RIC1: variants seen among roughly 807,000 people sequenced by gnomAD.
RIC1 encodes RIC1 partner of RAB6A GEF complex, also known as guanine nucleotide exchange factor subunit RIC1.
In RIC1, 88 loss-of-function variants were observed where a neutral mutation model predicts 169.0. The observed-to-expected ratio is 0.52, with a 90% CI of 0.44 to 0.62. The LOEUF (loss-of-function observed/expected upper bound fraction) is 0.62. RIC1 is among the 20% of genes least tolerant of loss of function. The pLI, the probability that RIC1 is intolerant of heterozygous loss-of-function variation, is 0.00. For synonymous variants in RIC1, 790 were observed against 601.5 expected (o/e 1.31, Z -4.59); for missense variants, 1,877 against 1,725.5 (o/e 1.09, Z -1.56).
chr9:5,667,661 G>A (rs958625691), intron 2 of RIC1, among the ~76,000 whole-genome samples: 3 of 151,834 alleles, frequency 2.0e-5, no homozygotes, highest in African/African-American at 2.4e-5. Flanking sequence ...GCACCACCAC[G>A]CCTGGCTGAT....
intron 6 of RIC1, among the ~76,000 whole-genome samples, chr9:5,729,355 G>A (rs1402151096): frequency 6.6e-6 from 1 of 152,128 alleles, no homozygotes; most frequent in Non-Finnish European, 1.5e-5. Flanking sequence ...GCTTCTTTAA[G>A]TAGGTTTTGA....
chr9:5,670,568 C>G (rs758054141), intron 2 of RIC1, among the ~76,000 whole-genome samples: 39 of 152,256 alleles, frequency 2.6e-4, no homozygotes, highest in Non-Finnish European at 4.9e-4. Flanking sequence ...ATAAAATTGC[C>G]TTAATACTCC....
chr9:5,727,439 T>A (rs921054713), intron 6 of RIC1, among the ~76,000 whole-genome samples: 1 of 152,234 alleles, frequency 6.6e-6, no homozygotes, highest in Non-Finnish European at 1.5e-5. Context: ...GCCATTTGTC[T>A]AATCTTTTTT....
chr9:5,755,971 T>C (rs1825985923), intron 15 of RIC1, among the ~76,000 whole-genome samples: 1 of 151,948 alleles, frequency 6.6e-6, no homozygotes, highest in Admixed American at 6.6e-5. Context: ...CTAAAAGGAA[T>C]ATTTTATAAT....
chr9:5,634,161 A>G (rs935903213), intron 1 of RIC1, among the ~76,000 whole-genome samples: 1 of 152,138 alleles, frequency 6.6e-6, no homozygotes, highest in East Asian at 1.9e-4. Context: ...TTGTTTCTGT[A>G]TCTTGGCTAC....
rs1360718282 is a variant in RIC1, at chr9:5,757,428, A to G, written c.1969A>G (p.Ile657Val). The change falls in exon 17 of 26, where the codon ATC (isoleucine) becomes GTC (valine). Residue 657 changes from isoleucine (I) to valine (V), a missense_variant. Physicochemically the swap from Ile to Val is conservative, Grantham distance 29. Transcript: ENST00000414202. ...GACATCAGTGAGTACAGAGAATGGAATCACCTTGAAAATGCCACAGCAGGT... is the reference window on the plus strand; with the variant it reads ...GACATCAGTGAGTACAGAGAATGGAGTCACCTTGAAAATGCCACAGCAGGT... ...TLTSVSTENG[I>V]TLKMPQQARG... 6.2e-7 allele frequency: 1 copy of G among 1,614,026 alleles called. No individual in the cohort carries two copies. The highest frequency in any genetic ancestry group is 2.2e-5 in the East Asian group (1 of 44,858).
intron 3 of RIC1, among the ~76,000 whole-genome samples, chr9:5,694,715 C>A (rs1340521698): frequency 6.6e-6 from 1 of 151,960 alleles, no homozygotes; most frequent in Non-Finnish European, 1.5e-5. Context: ...AATCAGAGAG[C>A]CCTGCACATT....
At chr9:5,631,515 G>A (rs574545248) in intron 1 of RIC1, among the ~76,000 whole-genome samples, 137 of 151,886 alleles carry the variant, frequency 9.0e-4, no homozygotes, top group Middle Eastern at 6.8e-3. Flanking sequence ...GTGAAATCCC[G>A]TCTCTACTAA....
At chr9:5,726,881 C>G (rs1018964264) in intron 6 of RIC1, among the ~76,000 whole-genome samples, 4 of 152,104 alleles carry the variant, frequency 2.6e-5, no homozygotes, top group African/African-American at 9.7e-5. Context: ...GAATATTGGC[C>G]CCCACTATCT....
At chr9:5,719,815 A>G (rs1157577200) in intron 4 of RIC1, among the ~76,000 whole-genome samples, 3 of 152,206 alleles carry the variant, frequency 2.0e-5, no homozygotes, top group Admixed American at 6.5e-5. Context: ...CTCTACACTT[A>G]ATGGCTCTAG....
At chr9:5,705,141 C>T (rs143940655) in intron 3 of RIC1, among the ~76,000 whole-genome samples, 38 of 147,392 alleles carry the variant, frequency 2.6e-4, no homozygotes, top group Non-Finnish European at 4.9e-4. Context: ...TTTGGCTCTT[C>T]GGGGTTCCTT....
chr9:5,705,033 G>C (rs1822484164), intron 3 of RIC1, among the ~76,000 whole-genome samples: 1 of 152,034 alleles, frequency 6.6e-6, no homozygotes, highest in African/African-American at 2.4e-5. Flanking sequence ...GTCTGCCCTT[G>C]TATCATTACC....
At chr9:5,748,005 T>C (rs1298027530) in intron 12 of RIC1, among the ~76,000 whole-genome samples, 1 of 152,190 alleles carries the variant, frequency 6.6e-6, no homozygotes, top group Non-Finnish European at 1.5e-5. Context: ...TTAGCTAATC[T>C]TATTCCAAAT....
intron 2 of RIC1, among the ~76,000 whole-genome samples, chr9:5,680,119 C>T (rs535456938): frequency 8.5e-5 from 13 of 152,102 alleles, no homozygotes; most frequent in African/African-American, 1.7e-4. Context: ...TTGTCTTTGG[C>T]TCTGTTTATA....
intron 21 of RIC1, 41 bp downstream of exon 21, chr9:5,765,839 T>C (rs1233117829): frequency 1.2e-6 from 2 of 1,606,254 alleles, no homozygotes; most frequent in South Asian, 1.1e-5. Flanking sequence ...TGGGCATTCA[T>C]GACACATTGC....
chr9:5,634,198 A>T (rs1817860862), intron 1 of RIC1, among the ~76,000 whole-genome samples: 1 of 152,162 alleles, frequency 6.6e-6, no homozygotes. Flanking sequence ...ATGAATATGA[A>T]AGTGCAGATA....
rs1257953369 is a variant in RIC1 at position 5,743,675 on chromosome 9, C to T, written c.1047-14C>T. On this transcript the variant is annotated splice_polypyrimidine_tract_variant and intron_variant, in intron 9 of 25. Transcript: ENST00000414202. ...TGGAAGGCTGTATTATATTTAGTTT[C>T]TGTTCTGTTTCAGTTATAGGTCTGA... 3 of 1,593,230 alleles carry T rather than the reference C, an allele frequency of 1.9e-6. No individual in the cohort carries two copies. The highest frequency in any genetic ancestry group is 1.7e-5 in the Admixed American group (1 of 59,214).
chr9:5,629,562 C>T, intron 1 of RIC1, 109 bp downstream of exon 1: 1 of 1,201,112 alleles, frequency 8.3e-7, no homozygotes, highest in Non-Finnish European at 1.1e-6. Context: ...TCGTGCCAGA[C>T]CCACCTGCCT....
intron 2 of RIC1, among the ~76,000 whole-genome samples, chr9:5,659,274 A>G: frequency 6.6e-6 from 1 of 152,108 alleles, no homozygotes; most frequent in East Asian, 1.9e-4. Flanking sequence ...TCCTTATTCC[A>G]GTACCACAGT....
Sources: allele counts gnomAD v4.1 joint callset (sites outside exome capture counted in the v4.1 genomes callset), GRCh38; gene constraint gnomAD v4.1.1; transcripts MANE v1.5; gene names NCBI Gene and HGNC (gene_info 2026-07-23, HGNC 2026-07-21).